The following CC2D2A variants were observed in gnomAD, a reference collection of about 807,000 sequenced individuals.
The protein encoded by CC2D2A is coiled-coil and C2 domain-containing protein 2A.
In CC2D2A, 155 loss-of-function variants were observed where a neutral mutation model predicts 212.9. The observed-to-expected ratio is 0.73, with a 90% CI of 0.64 to 0.83. CC2D2A has a LOEUF of 0.83. CC2D2A is among the 40% of genes least tolerant of loss of function. The pLI is 0.00. For missense variants in CC2D2A, 1,856 were observed against 1,956.2 expected, an observed-to-expected ratio of 0.95 and a Z score of 0.97; for synonymous variants, 667 against 686.5, an observed-to-expected ratio of 0.97 and a Z score of 0.44.
At chr4:15,573,137 A>G (rs199662716) in intron 28 of CC2D2A, among the ~76,000 whole-genome samples, 110 of 10,402 alleles carry the variant, frequency 0.011, 1 homozygote, top group African/African-American at 0.011. Context: ...CTTCAGTCCA[A>G]TCGATACTTA....
At chr4:15,479,429 G>A (rs1456013448) in intron 3 of CC2D2A, 10 of 987,922 alleles carry the variant, frequency 1.0e-5, no homozygotes, top group Non-Finnish European at 6.2e-6. Context: ...CAGCAGGGGA[G>A]GGAGGGGAGA....
At position 15,557,301 on chromosome 4, in the gene CC2D2A, T is replaced by C; in HGVS notation, c.2626-3T>C. On this transcript the variant is annotated splice_polypyrimidine_tract_variant and splice_region_variant and intron_variant, in intron 20 of 36. Transcript: ENST00000424120. ...GGAGTTTTGCATTTTCCGTTTTTTA[T>C]AGGTTGCTACCAGTGGTGAATCCTA... 6.3e-7 allele frequency: 1 copy of C among 1,599,938 alleles called. No individual in the cohort carries two copies. Among genetic ancestry groups the C allele is most frequent in the South Asian group, 1.1e-5 (1 of 88,434 alleles).
At chr4:15,580,462 A>T (rs1336256828) in intron 30 of CC2D2A, among the ~76,000 whole-genome samples, 1 of 152,034 alleles carries the variant, frequency 6.6e-6, no homozygotes, top group African/African-American at 2.4e-5. Flanking sequence ...ACATGGCGAA[A>T]CCCCATCTCT....
intron 31 of CC2D2A, among the ~76,000 whole-genome samples, chr4:15,587,117 C>T (rs758094222): frequency 7.2e-5 from 11 of 152,318 alleles, no homozygotes; most frequent in Middle Eastern, 3.4e-3. Context: ...GGGATGGTTT[C>T]GGAATGAAAC....
At chr4:15,594,767 C>A (rs1721244505) in intron 33 of CC2D2A, among the ~76,000 whole-genome samples, 1 of 152,150 alleles carries the variant, frequency 6.6e-6, no homozygotes, top group Non-Finnish European at 1.5e-5. Context: ...CCACATCATG[C>A]AACATCATCT....
At chr4:15,567,180 G>A (rs759617641) in intron 24 of CC2D2A, among the ~76,000 whole-genome samples, 197 bp from the exon 25 acceptor site, 18 of 152,044 alleles carry the variant, frequency 1.2e-4, no homozygotes, top group African/African-American at 1.4e-4. Context: ...CTACTTGGGA[G>A]GCTGAGGTGG....
intron 3 of CC2D2A, among the ~76,000 whole-genome samples, chr4:15,479,771 G>A (rs1224648328): frequency 6.6e-6 from 1 of 152,182 alleles, no homozygotes; most frequent in Non-Finnish European, 1.5e-5. Context: ...GGGCTGTGGA[G>A]GCAGTAGATG....
At position 15,492,720 on chromosome 4, in the gene CC2D2A, G is replaced by T. The variant is rs553708444; in HGVS notation, c.248-9709G>T. 9.1e-5 allele frequency: 73 copies of T among 798,494 alleles called. No homozygotes were observed. The East Asian group carries it at 2.3e-3, about 25-fold the overall frequency. The allele number at this position is 798,494 out of a possible 1,614,324, so 49.5% of individuals were successfully genotyped here. A position where few individuals can be genotyped will look rare whatever the true frequency, so the allele number is the denominator to read the frequency against. ...TCTCACTGGGTCTGGTGGTCCAGGG[G>T]TCTTACTCCTTGGAGGCCATGTGGG... On this transcript the variant is annotated intron_variant, in intron 4 of 36. Transcript: ENST00000424120.
At chr4:15,533,072 G>T in intron 13 of CC2D2A, 121 bp from the exon 14 acceptor site, 1 of 722,472 alleles carries the variant, frequency 1.4e-6, no homozygotes, top group Non-Finnish European at 2.1e-6. Context: ...TTAGTTTTCT[G>T]TACTTGTTTC....
intron 35 of CC2D2A, among the ~76,000 whole-genome samples, chr4:15,597,938 C>T (rs138614889): frequency 2.6e-3 from 390 of 152,314 alleles, no homozygotes; most frequent in Non-Finnish European, 4.0e-3. Flanking sequence ...GAGAGGTCCA[C>T]ATACTTGTTT....
intron 1 of CC2D2A, among the ~76,000 whole-genome samples, chr4:15,474,830 ACTGGAGATGAAT>A (rs1714069935): frequency 6.6e-6 from 1 of 152,226 alleles, no homozygotes; most frequent in African/African-American, 2.4e-5. Context: ...CGCAGGGGTC[ACTGGAGATGAAT>A]CATTGGCAAA....
intron 7 of CC2D2A, 106 bp from the exon 8 acceptor site, chr4:15,511,141 G>A (rs1279989687): frequency 1.0e-5 from 13 of 1,240,938 alleles, no homozygotes; most frequent in Non-Finnish European, 1.1e-5. Flanking sequence ...TCGGAGGCCT[G>A]GAATATGCCT....
chr4:15,469,971 C>G lies in CC2D2A; in HGVS notation c.-105C>G, dbSNP rs1414588476. The G allele has an allele frequency of 6.6e-6, 1 of 152,218 alleles. No homozygotes were observed. The highest frequency in any genetic ancestry group is 1.5e-5 in the Non-Finnish European group (1 of 68,050). The allele number at this position is 152,218 out of a possible 1,614,324, so 9.4% of individuals were successfully genotyped here. A position where few individuals can be genotyped will look rare whatever the true frequency, so the allele number is the denominator to read the frequency against. ...AACACTCAGCCTTTCCCTCCGGACCCTTTTAAAAGATTCAACAGCACCGTC... is the reference window on the plus strand; with the variant it reads ...AACACTCAGCCTTTCCCTCCGGACCGTTTTAAAAGATTCAACAGCACCGTC... On this transcript the variant is annotated 5_prime_UTR_variant, in exon 1 of 37. Coordinates refer to ENST00000424120, the MANE Select transcript of CC2D2A (RefSeq NM_001378615.1).
At chr4:15,543,739 T>C (rs1325180144) in intron 17 of CC2D2A, 1 of 152,434 alleles carries the variant, frequency 6.6e-6, no homozygotes, top group African/African-American at 2.4e-5. Flanking sequence ...CTGAGGCTGA[T>C]GGCCTGGAAC....
At chr4:15,584,817 G>A (rs1252049739) in intron 30 of CC2D2A, among the ~76,000 whole-genome samples, 1 of 152,142 alleles carries the variant, frequency 6.6e-6, no homozygotes, top group East Asian at 1.9e-4. Context: ...ACCCCAAATA[G>A]TTTGATTTAA....
At chr4:15,553,663 T>C (rs1257640759) in intron 19 of CC2D2A, among the ~76,000 whole-genome samples, 2 of 152,214 alleles carry the variant, frequency 1.3e-5, no homozygotes, top group Non-Finnish European at 1.5e-5. Context: ...TTGTTGCTAA[T>C]GATGATTGGT....
In CC2D2A at chr4:15,550,930, A is replaced by C. The variant is rs759466798; in HGVS notation, c.2288A>C (p.Glu763Ala). ...GGAAGGGCTCCTACTGAAGAAGTGG[A>C]GTTTAGCAGTAATCAGCATGTGACA... ...VTGRAPTEEV[E>A]FSSNQHVTLD... Residue 763 changes from glutamate to alanine, a missense_variant, in exon 18 of 37, where the codon GAG (glutamate) becomes GCG (alanine). By Grantham distance (107) the Glu-to-Ala change is moderately radical (BLOSUM62 -1). Around this residue, in one of 5 missense-constraint regions of CC2D2A, gnomAD observed 1,512 missense variants for 1,579.3 expected, o/e 0.96. Transcript: ENST00000424120. 9 of 1,608,134 alleles carry C rather than the reference A, an allele frequency of 5.6e-6. No individual in the cohort carries two copies. The Admixed American group carries it at 6.7e-5, about 12-fold the overall frequency.
At position 15,527,636 on chromosome 4, in the gene CC2D2A, G is replaced by A. The variant is rs764790354; in HGVS notation, c.1339G>A (p.Ala447Thr). 5 of 1,608,808 alleles carry A rather than the reference G, an allele frequency of 3.1e-6. No homozygotes were observed. The highest frequency in any genetic ancestry group is 1.7e-4 in the Middle Eastern group (1 of 6,060). ...CCTTGCAAGACACCAGAGAAACAAGGCGAAATTTCTTACTGATAAGGTACA... is the reference window on the plus strand; with the variant it reads ...CCTTGCAAGACACCAGAGAAACAAGACGAAATTTCTTACTGATAAGGTACA... The part of the protein sequence containing the change: ...QYLARHQRNK[A>T]KFLTDKLQAL... The change falls in exon 12 of 37, where the codon GCG (alanine) becomes ACG (threonine). Residue 447 changes from alanine (A) to threonine (T), a missense_variant. Coordinates refer to ENST00000424120, the MANE Select transcript of CC2D2A (RefSeq NM_001378615.1).
rs766615875 is a variant in CC2D2A at position 15,553,195 on chromosome 4, G to A, written c.2376G>A (p.Gln792=). The A allele has an allele frequency of 1.2e-6, 2 of 1,608,150 alleles. No individual in the cohort carries two copies. Among genetic ancestry groups the A allele is most frequent in the Non-Finnish European group, 1.7e-6 (2 of 1,177,904 alleles). ...PFSFEADGSN[Q]LTLMTSGKVS... ...CATTTGAAGCTGATGGCAGTAACCAGCTGACTCTGATGACCTCAGGGAAAG... is the reference window on the plus strand; with the variant it reads ...CATTTGAAGCTGATGGCAGTAACCAACTGACTCTGATGACCTCAGGGAAAG... The change falls in exon 19 of 37, where the codon CAG becomes CAA. Residue 792 remains glutamine (Q), a synonymous_variant. Coordinates refer to ENST00000424120, the MANE Select transcript of CC2D2A (RefSeq NM_001378615.1).
Sources: allele counts gnomAD v4.1 joint callset (sites outside exome capture counted in the v4.1 genomes callset), GRCh38; gene constraint gnomAD v4.1.1; regional missense constraint gnomAD v4.1.1; transcripts MANE v1.5; gene names NCBI Gene and HGNC (gene_info 2026-07-23, HGNC 2026-07-21).